Variants in SNCAIP observed in about 807,000 individuals in gnomAD.
SNCAIP encodes synuclein alpha interacting protein.
Under a neutral mutation model 86.7 loss-of-function variants are expected in SNCAIP, and 43 were observed. That is an observed-to-expected ratio of 0.50 (90% confidence interval 0.39 to 0.64). The LOEUF is 0.64. Among genes scored for constraint, SNCAIP ranks in the 30% least tolerant of loss-of-function variants. The pLI, the probability that SNCAIP is intolerant of heterozygous loss-of-function variation, is 0.00. For missense variants in SNCAIP, 981 were observed against 1,103.1 expected (o/e 0.89, Z 1.57); for synonymous variants, 417 against 427.2 (o/e 0.98, Z 0.29).
chr5:122,312,487 T>C (rs1468821230), intron 1 of SNCAIP: 3 of 152,134 alleles, frequency 2.0e-5, no homozygotes, highest in Non-Finnish European at 4.4e-5. Flanking sequence ...GAGGTCTCTA[T>C]AGTAACAGTA....
chr5:122,383,158 T>A (rs1227661605), intron 1 of SNCAIP, among the ~76,000 whole-genome samples: 1 of 152,154 alleles, frequency 6.6e-6, no homozygotes, highest in Non-Finnish European at 1.5e-5. Flanking sequence ...AGCCTTGCAG[T>A]TTGATCTCAG....
chr5:122,367,410 G>C (rs1162542243), intron 1 of SNCAIP, among the ~76,000 whole-genome samples: 1 of 152,206 alleles, frequency 6.6e-6, no homozygotes, highest in African/African-American at 2.4e-5. Flanking sequence ...GGTAAATGTA[G>C]ATGTGTCTTT....
chr5:122,395,043 C>T (rs895254753), intron 2 of SNCAIP, among the ~76,000 whole-genome samples: 1 of 152,108 alleles, frequency 6.6e-6, no homozygotes, highest in African/African-American at 2.4e-5. Context: ...TTTCTCTAGA[C>T]CAGTCACCTC....
intron 1 of SNCAIP, among the ~76,000 whole-genome samples, chr5:122,316,090 A>G (rs1751660496): frequency 6.6e-6 from 1 of 152,220 alleles, no homozygotes; most frequent in African/African-American, 2.4e-5. Context: ...ATGTCAAAGT[A>G]CTTTATAAGC....
intron 1 of SNCAIP, among the ~76,000 whole-genome samples, chr5:122,336,242 T>C (rs1756440504): frequency 6.6e-6 from 1 of 152,202 alleles, no homozygotes; most frequent in South Asian, 2.1e-4. Flanking sequence ...CTTTCAGTCT[T>C]ATGTACTGTA....
intron 1 of SNCAIP, among the ~76,000 whole-genome samples, chr5:122,373,923 G>A (rs1234425796): frequency 6.6e-6 from 1 of 152,150 alleles, no homozygotes; most frequent in Non-Finnish European, 1.5e-5. Context: ...TGGCTGGTGT[G>A]GTGGTATATA....
chr5:122,443,398 T>A (rs1228943445), intron 7 of SNCAIP, among the ~76,000 whole-genome samples: 1 of 152,230 alleles, frequency 6.6e-6, no homozygotes, highest in Non-Finnish European at 1.5e-5. Flanking sequence ...GTTTGGATTT[T>A]TTTAAATTAT....
chr5:122,384,924 A>G (rs761929418), intron 1 of SNCAIP, among the ~76,000 whole-genome samples: 1 of 152,200 alleles, frequency 6.6e-6, no homozygotes, highest in Non-Finnish European at 1.5e-5. Flanking sequence ...AAATACAGCA[A>G]TCAATGCTAA....
intron 1 of SNCAIP, among the ~76,000 whole-genome samples, chr5:122,316,154 C>T (rs558285175): frequency 2.0e-5 from 3 of 152,268 alleles, no homozygotes; most frequent in African/African-American, 7.2e-5. Context: ...TCACAGTGCA[C>T]TATTGTATAT....
At chr5:122,334,523 T>C (rs1756024447) in intron 1 of SNCAIP, among the ~76,000 whole-genome samples, 1 of 152,210 alleles carries the variant, frequency 6.6e-6, no homozygotes, top group East Asian at 1.9e-4. Context: ...TGTTGACTAA[T>C]TCATACTCAA....
intron 5 of SNCAIP, among the ~76,000 whole-genome samples, chr5:122,431,178 T>G (rs921462558): frequency 6.6e-6 from 1 of 152,096 alleles, no homozygotes; most frequent in Non-Finnish European, 1.5e-5. Flanking sequence ...AAGTGGGCAA[T>G]CACTTTGGAA....
At chr5:122,337,997 G>A (rs1160811283) in intron 1 of SNCAIP, among the ~76,000 whole-genome samples, 1 of 152,160 alleles carries the variant, frequency 6.6e-6, no homozygotes, top group African/African-American at 2.4e-5. Flanking sequence ...AATATAAAAA[G>A]GAATAAGGAG....
At chr5:122,442,217 T>G (rs559406193) in intron 7 of SNCAIP, among the ~76,000 whole-genome samples, 1 of 145,894 alleles carries the variant, frequency 6.9e-6, no homozygotes, top group Non-Finnish European at 1.5e-5. Flanking sequence ...CCCTCCTGGG[T>G]GCAAGATAGA....
At chr5:122,369,884 C>A (rs945228758) in intron 1 of SNCAIP, 1 of 152,174 alleles carries the variant, frequency 6.6e-6, no homozygotes, top group African/African-American at 2.4e-5. Flanking sequence ...ACAGTTCAGT[C>A]AGCTGCACTT....
chr5:122,311,962 G>C (rs1301528644), upstream of SNCAIP: 1 of 149,204 alleles, frequency 6.7e-6, no homozygotes, highest in Non-Finnish European at 1.5e-5. Context: ...CGCAGCCTGA[G>C]GGCGCGGCGG....
At chr5:122,452,602 G>A (rs923625126) in intron 10 of SNCAIP, among the ~76,000 whole-genome samples, 1 of 152,130 alleles carries the variant, frequency 6.6e-6, no homozygotes, top group Admixed American at 6.5e-5. Context: ...AAATTCCTCT[G>A]TAAATTGTCC....
intron 7 of SNCAIP, among the ~76,000 whole-genome samples, chr5:122,442,500 A>T (rs1302941873): frequency 6.6e-6 from 1 of 152,232 alleles, no homozygotes; most frequent in Non-Finnish European, 1.5e-5. Context: ...AATTTAAGGC[A>T]TCAAGTTTTT....
intron 3 of SNCAIP, among the ~76,000 whole-genome samples, chr5:122,404,225 A>C (rs969557460): frequency 6.6e-6 from 1 of 152,222 alleles, no homozygotes; most frequent in Non-Finnish European, 1.5e-5. Flanking sequence ...TGTTGGATGC[A>C]TTTACTACCC....
chr5:122,369,855 T>G (rs537497969), intron 1 of SNCAIP: 2 of 152,290 alleles, frequency 1.3e-5, no homozygotes, highest in Admixed American at 6.5e-5. Context: ...GCATCCAGGC[T>G]TCTTAGCTCC....
Sources: allele counts gnomAD v4.1 joint callset (sites outside exome capture counted in the v4.1 genomes callset), GRCh38; gene constraint gnomAD v4.1.1; transcripts MANE v1.5; gene names NCBI Gene and HGNC (gene_info 2026-07-23, HGNC 2026-07-21).